The following DNAH5 variants were observed in gnomAD, a reference collection of about 807,000 sequenced individuals.
DNAH5 encodes the protein axonemal beta dynein heavy chain 5.
Under a neutral mutation model 518.2 loss-of-function variants are expected in DNAH5, and 372 were observed. That is an observed-to-expected ratio of 0.72 (90% CI 0.66 to 0.78). The LOEUF (loss-of-function observed/expected upper bound fraction) is 0.78. Among genes scored for constraint, DNAH5 ranks in the 30% least tolerant of loss-of-function variants. DNAH5 has a pLI of 0.00. For missense variants in DNAH5, 5,523 were observed against 5,687.0 expected, an observed-to-expected ratio of 0.97 and a Z score of 0.93; for synonymous variants, 2,039 against 2,025.9, an observed-to-expected ratio of 1.01 and a Z score of -0.17.
At chr5:13,713,440 T>TATATATATATATATATACATCGAC (rs1743854806) in intron 75 of DNAH5, among the ~76,000 whole-genome samples, 7 of 115,698 alleles carry the variant, frequency 6.1e-5, no homozygotes, top group African/African-American at 2.3e-4. Flanking sequence ...TCGACATATA[T>TATATATATATATATATACATCGAC]ATATATATAT....
Position 13,691,925 on chromosome 5 carries a change from G to A in DNAH5, c.*59C>T, listed in dbSNP as rs1740740342. On this transcript the variant is annotated 3_prime_UTR_variant, in exon 79 of 79. Coordinates refer to ENST00000265104, the MANE Select transcript of DNAH5 (RefSeq NM_001369.3). ...GTCCAGCAGTCATACAGAAATAAAG[G>A]TTACAATAATTTAGATCTTGCATTT... 5 of 1,605,646 alleles carry A rather than the reference G, an allele frequency of 3.1e-6. No individual in the cohort carries two copies. Among genetic ancestry groups the A allele is most frequent in the Non-Finnish European group, 4.3e-6 (5 of 1,172,582 alleles).
chr5:14,004,091 C>T (rs902463555), intron 1 of DNAH5, among the ~76,000 whole-genome samples: 5 of 152,210 alleles, frequency 3.3e-5, no homozygotes, highest in African/African-American at 1.2e-4. Flanking sequence ...AGAACAAGCT[C>T]CAACTTTCTG....
intron 69 of DNAH5, 48 bp from the exon 70 acceptor site, chr5:13,727,704 T>G: frequency 6.2e-7 from 1 of 1,605,358 alleles, no homozygotes; most frequent in Non-Finnish European, 8.5e-7. Flanking sequence ...CCAACAATCT[T>G]TCAGTAACAG....
At chr5:13,971,117 C>T (rs1413832161) in intron 1 of DNAH5, among the ~76,000 whole-genome samples, 1 of 152,048 alleles carries the variant, frequency 6.6e-6, no homozygotes, top group South Asian at 2.1e-4. Flanking sequence ...TAACTGTGTC[C>T]TTCATTTCCA....
At chr5:13,969,753 A>T (rs1446136481) in intron 1 of DNAH5, among the ~76,000 whole-genome samples, 1 of 152,174 alleles carries the variant, frequency 6.6e-6, no homozygotes, top group Non-Finnish European at 1.5e-5. Flanking sequence ...AGAATGTTCA[A>T]TGTGCTGATG....
intron 1 of DNAH5, among the ~76,000 whole-genome samples, chr5:14,004,162 G>A (rs757221487): frequency 5.3e-5 from 8 of 152,222 alleles, no homozygotes; most frequent in Non-Finnish European, 8.8e-5. Flanking sequence ...GTCTGTTTAA[G>A]TATCTTTTAT....
intron 41 of DNAH5, among the ~76,000 whole-genome samples, chr5:13,818,897 A>G (rs932888696): frequency 6.6e-6 from 1 of 152,246 alleles, no homozygotes; most frequent in Admixed American, 6.5e-5. Flanking sequence ...ATTTTCAGTG[A>G]GAAACAATGG....
At chr5:13,950,714 T>C (rs931889834) in intron 1 of DNAH5, among the ~76,000 whole-genome samples, 1 of 152,246 alleles carries the variant, frequency 6.6e-6, no homozygotes, top group African/African-American at 2.4e-5. Flanking sequence ...AGTAAGTCTT[T>C]CTGGCATCCT....
chr5:13,799,978 T>C lies in DNAH5; in HGVS notation c.7888-5920A>G, dbSNP rs13358014. The stretch of plus-strand genomic sequence containing the variant: ...TTTCATATTTATACAATTTTGTGCA[T>C]GAAACAACATTCGTGTATATTGAAC... On this transcript the variant is annotated intron_variant, in intron 47 of 78. Coordinates refer to ENST00000265104, the MANE Select transcript of DNAH5 (RefSeq NM_001369.3). 6.7e-3 allele frequency among the ~76,000 whole-genome samples: 1,014 copies of C among 152,264 alleles called. 6 individuals are homozygous for C. Among genetic ancestry groups the C allele is most frequent in the African/African-American group, 0.023 (956 of 41,564 alleles).
At chr5:13,800,665 C>T (rs75763349) in intron 47 of DNAH5, among the ~76,000 whole-genome samples, 1 of 152,140 alleles carries the variant, frequency 6.6e-6, no homozygotes, top group Non-Finnish European at 1.5e-5. Context: ...ATGACTCATA[C>T]ACAATGGCTA....
chr5:13,807,484 G>A, intron 47 of DNAH5, 107 bp downstream of exon 47: 1 of 1,079,926 alleles, frequency 9.3e-7, no homozygotes, highest in South Asian at 1.4e-5. Context: ...ATTTATCATG[G>A]CTATGAAAAT....
At chr5:13,956,530 T>G (rs1204535777) in intron 1 of DNAH5, among the ~76,000 whole-genome samples, 12 of 152,238 alleles carry the variant, frequency 7.9e-5, no homozygotes, top group Admixed American at 7.9e-4. Flanking sequence ...TTGCTATAGA[T>G]AGTGAGTTAT....
intron 26 of DNAH5, 94 bp downstream of exon 26, chr5:13,866,126 A>C: frequency 1.5e-4 from 164 of 1,069,166 alleles, no homozygotes; most frequent in Non-Finnish European, 2.2e-4. Context: ...ATTCCACAAT[A>C]GGGCCCTCTA....
intron 78 of DNAH5, among the ~76,000 whole-genome samples, chr5:13,698,643 T>A: frequency 6.6e-6 from 1 of 152,246 alleles, no homozygotes; most frequent in Non-Finnish European, 1.5e-5. Context: ...AGCCTTCTTG[T>A]GCTCAGAAAC....
chr5:13,946,970 C>T (rs911769286), upstream of DNAH5, among the ~76,000 whole-genome samples: 1 of 152,190 alleles, frequency 6.6e-6, no homozygotes, highest in Non-Finnish European at 1.5e-5. Flanking sequence ...TCCTATGCAA[C>T]ACTCGGAATG....
intron 24 of DNAH5, among the ~76,000 whole-genome samples, chr5:13,869,856 AT>A (rs1380440219): frequency 1.3e-5 from 2 of 152,074 alleles, no homozygotes; most frequent in Admixed American, 1.3e-4. Context: ...GCTAAGACTG[AT>A]TTTGCTGGTG....
At position 13,911,641 on chromosome 5, in the gene DNAH5, G is replaced by T. The variant is rs1422585720; in HGVS notation, c.1537-148C>A. 7.2e-6 allele frequency: 5 copies of T among 689,968 alleles called. No homozygotes were observed. The South Asian group carries it at 9.5e-5, about 13-fold the overall frequency. 42.7% of individuals were successfully genotyped at this position (689,968 alleles called of 1,614,324 possible). On this transcript the variant is annotated intron_variant, in intron 11 of 78. Transcript: ENST00000265104. ...CTTATTTTTTTACTCACATTGTTTT[G>T]TGCTTATTATTTTACAGGCAGTATA...
In DNAH5 at chr5:13,732,427, C is replaced by T. The variant is rs144972518; in HGVS notation, c.11761+2704G>A. 5.3e-3 allele frequency among the ~76,000 whole-genome samples: 807 copies of T among 152,140 alleles called. 9 individuals carry two copies. In the East Asian group the frequency reaches 0.058, roughly 11 times the overall value. On this transcript the variant is annotated intron_variant, in intron 68 of 78. Transcript: ENST00000265104. ...TGTCACCCAGGCTGGAGTGCAGTGG[C>T]GCAATCTCGGCTCACTGCAACCTCC...
At chr5:13,950,890 A>G (rs1007151963) in intron 1 of DNAH5, among the ~76,000 whole-genome samples, 2 of 152,206 alleles carry the variant, frequency 1.3e-5, no homozygotes, top group African/African-American at 4.8e-5. Flanking sequence ...GCTTGTTTGT[A>G]GTTATCATCT....
Sources: allele counts gnomAD v4.1 joint callset (sites outside exome capture counted in the v4.1 genomes callset), GRCh38; gene constraint gnomAD v4.1.1; transcripts MANE v1.5; gene names NCBI Gene and HGNC (gene_info 2026-07-23, HGNC 2026-07-21).